Variants in SLC10A7 observed in about 807,000 individuals in gnomAD.
SLC10A7 encodes the protein solute carrier family 10 member 7, also known as sodium/bile acid cotransporter 7.
In SLC10A7, 29 loss-of-function variants were observed where a neutral mutation model predicts 43.2. The observed-to-expected ratio is 0.67, with a 90% confidence interval of 0.50 to 0.92. The LOEUF (loss-of-function observed/expected upper bound fraction) is 0.92, where lower values mean the gene tolerates loss of function less well. SLC10A7 is among the 40% of genes least tolerant of loss of function. The pLI is 0.00. For synonymous variants in SLC10A7, 152 were observed against 144.8 expected, an observed-to-expected ratio of 1.05 and a Z score of -0.35; for missense variants, 295 against 403.2, an observed-to-expected ratio of 0.73 and a Z score of 2.30.
At chr4:146,515,129 G>T (rs759462514) in intron 2 of SLC10A7, 5 of 702,048 alleles carry the variant, frequency 7.1e-6, no homozygotes, top group Admixed American at 4.0e-5. Flanking sequence ...TGGCTGCTTC[G>T]CAGAATCGCA....
At chr4:146,296,777 G>C (rs1730815498) in intron 7 of SLC10A7, among the ~76,000 whole-genome samples, 1 of 152,118 alleles carries the variant, frequency 6.6e-6, no homozygotes, top group South Asian at 2.1e-4. Context: ...TAGCTAGAAA[G>C]GCGTTAAAAT....
intron 5 of SLC10A7, chr4:146,441,967 T>C: frequency 1.0e-6 from 1 of 981,888 alleles, no homozygotes; most frequent in Non-Finnish European, 1.2e-6. Flanking sequence ...TATACATCAC[T>C]GATTTTACTC....
intron 4 of SLC10A7, among the ~76,000 whole-genome samples, chr4:146,473,409 C>T (rs1733754412): frequency 6.6e-6 from 1 of 152,078 alleles, no homozygotes; most frequent in Non-Finnish European, 1.5e-5. Flanking sequence ...TCTTTCCAAG[C>T]TACAATATAT....
intron 4 of SLC10A7, among the ~76,000 whole-genome samples, chr4:146,503,485 T>C (rs1295320009): frequency 3.3e-5 from 5 of 152,220 alleles, no homozygotes; most frequent in African/African-American, 7.2e-5. Context: ...ATTTAGTTTG[T>C]TAACAAATTT....
At chr4:146,276,794 A>G (rs537136597) in intron 10 of SLC10A7, among the ~76,000 whole-genome samples, 1 of 152,112 alleles carries the variant, frequency 6.6e-6, no homozygotes, top group Non-Finnish European at 1.5e-5. Context: ...CTACAAAAAA[A>G]TTTTTAAAAA....
chr4:146,311,572 T>C (rs1452149116), intron 6 of SLC10A7, among the ~76,000 whole-genome samples: 1 of 152,166 alleles, frequency 6.6e-6, no homozygotes, highest in East Asian at 1.9e-4. Context: ...TCACTTTCAT[T>C]AGCACCACAT....
At chr4:146,347,757 T>G (rs572091858) in intron 5 of SLC10A7, among the ~76,000 whole-genome samples, 53 of 152,298 alleles carry the variant, frequency 3.5e-4, no homozygotes, top group African/African-American at 1.3e-3. Flanking sequence ...TCATCAATTA[T>G]GTATAGAAAT....
At chr4:146,512,383 G>C (rs1737565018) in intron 2 of SLC10A7, among the ~76,000 whole-genome samples, 2 of 152,134 alleles carry the variant, frequency 1.3e-5, no homozygotes, top group Non-Finnish European at 2.9e-5. Flanking sequence ...AGAATTTTAT[G>C]ACTAGGAATT....
Position 146,331,495 on chromosome 4 carries a change from A to G in SLC10A7, c.436-5499T>C, listed in dbSNP as rs567741983. Among the ~76,000 whole-genome samples the G allele has an allele frequency of 9.8e-5, 15 of 152,304 alleles. 1 individual carries two copies. Among genetic ancestry groups the G allele is most frequent in the African/African-American group, 2.9e-4 (12 of 41,568 alleles). On this transcript the variant is annotated intron_variant, in intron 5 of 11. Coordinates refer to ENST00000335472, the MANE Select transcript of SLC10A7 (RefSeq NM_001029998.6). Reference sequence around the variant, plus strand: ...TGGCCAGTTTTGTCTCTAATTTAGCATACTTATTTCAGTATGCTTTTCTAA... The same window carrying G: ...TGGCCAGTTTTGTCTCTAATTTAGCGTACTTATTTCAGTATGCTTTTCTAA...
chr4:146,390,126 C>A (rs1738309738), intron 5 of SLC10A7, among the ~76,000 whole-genome samples: 1 of 152,106 alleles, frequency 6.6e-6, no homozygotes. Flanking sequence ...ACTATTTTCA[C>A]TAATATTTTA....
intron 4 of SLC10A7, among the ~76,000 whole-genome samples, chr4:146,460,259 A>C (rs1392915075): frequency 3.9e-5 from 6 of 152,072 alleles, no homozygotes; most frequent in African/African-American, 9.6e-5. Context: ...CAAATGATGA[A>C]GCCACTGTCG....
chr4:146,264,857 C>G (rs1416622135), intron 10 of SLC10A7, among the ~76,000 whole-genome samples: 1 of 152,208 alleles, frequency 6.6e-6, no homozygotes, highest in Admixed American at 6.5e-5. Flanking sequence ...TCACTGCCAT[C>G]TTCCTAATTC....
At chr4:146,317,526 T>C (rs1235071725) in intron 6 of SLC10A7, among the ~76,000 whole-genome samples, 24 of 151,980 alleles carry the variant, frequency 1.6e-4, no homozygotes, top group Admixed American at 1.6e-3. Flanking sequence ...GGATGTCCAG[T>C]TGGTAAAACA....
At chr4:146,320,116 T>A (rs1732599379) in intron 6 of SLC10A7, among the ~76,000 whole-genome samples, 1 of 151,558 alleles carries the variant, frequency 6.6e-6, no homozygotes, top group Non-Finnish European at 1.5e-5. Flanking sequence ...AGTGGAAGAG[T>A]GAATTAATTA....
rs149015583 is a variant in SLC10A7, at chr4:146,521,668, A to C, written c.50T>G (p.Val17Gly). 1 of 1,614,176 alleles carries C rather than the reference A, an allele frequency of 6.2e-7. No individual in the cohort carries two copies. Among genetic ancestry groups the C allele is most frequent in the African/African-American group, 1.3e-5 (1 of 75,052 alleles). The change falls in exon 1 of 12, where the codon GTG (valine) becomes GGG (glycine). Residue 17 changes from valine (V) to glycine (G), a missense_variant. Val to Gly is a moderately radical substitution (Grantham distance 109, BLOSUM62 -3). Around this residue, in one of 2 missense-constraint regions of SLC10A7, gnomAD observed 53 missense variants for 40.7 expected, o/e 1.30. Transcript: ENST00000335472. ...MRKDWFMVGI[V>G]LAIAGAKLEP... ...CAGTTTAGCTCCAGCGATCGCCAGC[A>C]CTATTCCGACCATGAACCAGTCTTT... is the stretch of plus-strand genomic sequence containing the variant.
chr4:146,299,750 G>C (rs1731034370), intron 7 of SLC10A7, among the ~76,000 whole-genome samples: 1 of 152,180 alleles, frequency 6.6e-6, no homozygotes, highest in African/African-American at 2.4e-5. Context: ...TAAGGAAGTA[G>C]GGTAGGGTTT....
chr4:146,380,767 C>G (rs191017527), intron 5 of SLC10A7, among the ~76,000 whole-genome samples: 1 of 151,842 alleles, frequency 6.6e-6, no homozygotes, highest in East Asian at 1.9e-4. Context: ...GAATTTTTTT[C>G]TTTTCCTTTT....
At chr4:146,414,145 GC>G (rs747529389) in intron 5 of SLC10A7, among the ~76,000 whole-genome samples, 1 of 152,152 alleles carries the variant, frequency 6.6e-6, no homozygotes, top group African/African-American at 2.4e-5. Context: ...CTCAGGTATA[GC>G]CTTGGGGAAG....
chr4:146,256,716 TC>T (rs34063596), intron 11 of SLC10A7, 196 bp from the exon 12 acceptor site: 4 of 999,074 alleles, frequency 4.0e-6, no homozygotes, highest in Middle Eastern at 2.1e-4. Context: ...CTTTGTCATT[TC>T]CCCTCCCACA....
Sources: gnomAD v4.1 joint callset for allele counts (sites outside exome capture counted in the v4.1 genomes callset) on GRCh38, gnomAD v4.1.1 for gene constraint, gnomAD v4.1.1 regional missense constraint, MANE v1.5 for transcripts, NCBI Gene and HGNC (gene_info 2026-07-23, HGNC 2026-07-21) for gene names.